Variants in DOCK5 observed in about 807,000 individuals in gnomAD.
The protein encoded by DOCK5 is dedicator of cytokinesis 5, also known as dedicator of cytokinesis protein 5.
A neutral mutation model predicts 251.8 loss-of-function variants in DOCK5; 142 were observed. The observed-to-expected ratio is 0.56, with a 90% CI of 0.49 to 0.65. The LOEUF is 0.65. Ranked by LOEUF, DOCK5 falls within the 30% of genes least tolerant of loss-of-function variation. The pLI, the probability that DOCK5 is intolerant of heterozygous loss-of-function variation, is 0.00. For synonymous variants in DOCK5, 842 were observed against 835.5 expected (o/e 1.01, Z -0.13); for missense variants, 2,111 against 2,312.3 (o/e 0.91, Z 1.79).
intron 10 of DOCK5, among the ~76,000 whole-genome samples, chr8:25,303,096 A>T (rs774912264): frequency 6.6e-6 from 1 of 152,204 alleles, no homozygotes; most frequent in Non-Finnish European, 1.5e-5. Flanking sequence ...CAATTTTGAA[A>T]ATAGAGGAAG....
rs1325046467 is a variant in DOCK5 at position 25,303,745 on chromosome 8, T to A, written c.977-510T>A. 2.0e-5 allele frequency among the ~76,000 whole-genome samples: 3 copies of A among 152,140 alleles called. No homozygotes were observed. The East Asian group carries it at 5.8e-4, about 29-fold the overall frequency. ...GGGAGGCCGAGGCAGGCAGATCATC[T>A]GAGGTCAGGAGTTCAAGACCAGCCT... On this transcript the variant is annotated intron_variant, in intron 10 of 51. Transcript: ENST00000276440.
At chr8:25,351,461 A>G in intron 26 of DOCK5, 1 of 389,402 alleles carries the variant, frequency 2.6e-6, no homozygotes, top group Non-Finnish European at 4.7e-6. Context: ...GTGAGCTCTC[A>G]GTGAACCTGA....
chr8:25,219,755 T>C (rs1563312468), intron 1 of DOCK5, among the ~76,000 whole-genome samples: 1 of 151,804 alleles, frequency 6.6e-6, no homozygotes, highest in Non-Finnish European at 1.5e-5. Context: ...TCTGTCCCCT[T>C]CAACTGTGAC....
At chr8:25,252,616 G>A (rs1803300725) in intron 2 of DOCK5, among the ~76,000 whole-genome samples, 1 of 152,192 alleles carries the variant, frequency 6.6e-6, no homozygotes, top group Admixed American at 6.5e-5. Context: ...TTTACCTTAA[G>A]TACAGCTTGT....
chr8:25,368,829 A>G lies in DOCK5; in HGVS notation c.3438+104A>G, dbSNP rs962651681. 1.5e-4 allele frequency: 180 copies of G among 1,201,942 alleles called. 2 individuals carry two copies. Among genetic ancestry groups the G allele is most frequent in the Non-Finnish European group, 1.8e-4 (164 of 893,466 alleles). 74.5% of individuals were successfully genotyped at this position (1,201,942 alleles called of 1,614,324 possible). The stretch of plus-strand genomic sequence containing the variant: ...GCAGTAACCTTAATAATGCAAGTCC[A>G]TGTTGATCTGAAAGTTCACTTTACA... On this transcript the variant is annotated intron_variant, in intron 33 of 51. Transcript: ENST00000276440.
At chr8:25,299,668 C>T (rs1387982429) in intron 8 of DOCK5, among the ~76,000 whole-genome samples, 2 of 152,080 alleles carry the variant, frequency 1.3e-5, no homozygotes, top group South Asian at 2.1e-4. Flanking sequence ...ATTTTCAGCT[C>T]AACTTTGCTG....
chr8:25,296,760 C>T, intron 7 of DOCK5, 112 bp downstream of exon 7: 1 of 1,385,560 alleles, frequency 7.2e-7, no homozygotes, highest in Non-Finnish European at 9.8e-7. Flanking sequence ...AGTTTTCGTC[C>T]TCATTTTAAA....
chr8:25,356,595 G>A (rs974466464), intron 27 of DOCK5, among the ~76,000 whole-genome samples: 1 of 151,860 alleles, frequency 6.6e-6, no homozygotes, highest in African/African-American at 2.4e-5. Context: ...TGAGCCCCAG[G>A]GAAGTCGAGG....
In DOCK5 at chr8:25,315,609, CTGTTTCCA is replaced by C. The variant is rs1805224618; in HGVS notation, c.1319-1389_1319-1382del. 2.6e-5 allele frequency among the ~76,000 whole-genome samples: 4 copies of C among 152,378 alleles called. No homozygotes were observed. In the South Asian group the frequency reaches 8.3e-4, roughly 32 times the overall value. The stretch of plus-strand genomic sequence containing the variant: ...AATTCCCTGTGCTTGGAAATCGAGA[CTGTTTCCA>C]TGTTTCCACTTTTATAAACACCGCA... On this transcript the variant is annotated intron_variant, in intron 13 of 51. Transcript: ENST00000276440.
chr8:25,201,173 C>T (rs1801871775), intron 1 of DOCK5, among the ~76,000 whole-genome samples: 2 of 152,208 alleles, frequency 1.3e-5, no homozygotes. Context: ...TCCCAAAATG[C>T]TGGGATTACA....
intron 2 of DOCK5, among the ~76,000 whole-genome samples, chr8:25,257,197 T>G (rs1219192511): frequency 6.6e-6 from 1 of 152,198 alleles, no homozygotes; most frequent in Non-Finnish European, 1.5e-5. Flanking sequence ...GCACTGCCGT[T>G]GGTCCCTGAA....
chr8:25,317,345 C>G (rs1440105739), intron 14 of DOCK5: 12 of 485,148 alleles, frequency 2.5e-5, no homozygotes, highest in Non-Finnish European at 2.4e-5. Context: ...TTATATTTCT[C>G]CTGTGCTAAG....
Position 25,233,642 on chromosome 8 carries a change from T to C in DOCK5, c.44-10032T>C, listed in dbSNP as rs535134831. ...TGCCCTAGAGTCCAGGATGGTAGTT[T>C]TTTGGCCACATTATGGAAAATATCT... is the stretch of plus-strand genomic sequence containing the variant. On this transcript the variant is annotated intron_variant, in intron 1 of 51. Coordinates refer to ENST00000276440, the MANE Select transcript of DOCK5 (RefSeq NM_024940.8). 5.0e-4 allele frequency among the ~76,000 whole-genome samples: 76 copies of C among 152,290 alleles called. 1 individual carries two copies. The highest frequency in any genetic ancestry group is 1.7e-3 in the African/African-American group (71 of 41,574).
chr8:25,381,913 G>A (rs916592361), intron 39 of DOCK5, among the ~76,000 whole-genome samples: 21 of 152,114 alleles, frequency 1.4e-4, no homozygotes, highest in African/African-American at 3.1e-4. Flanking sequence ...CTGAAAAACC[G>A]AACATCACCA....
intron 2 of DOCK5, among the ~76,000 whole-genome samples, chr8:25,248,187 G>A (rs777714059): frequency 2.6e-5 from 4 of 152,038 alleles, no homozygotes; most frequent in African/African-American, 7.3e-5. Context: ...TTTTAAAATC[G>A]TGCCTACCTT....
intron 3 of DOCK5, 67 bp from the exon 4 acceptor site, chr8:25,275,319 T>C: frequency 3.0e-6 from 4 of 1,321,994 alleles, no homozygotes; most frequent in African/African-American, 1.5e-5. Context: ...TACTTTGGGC[T>C]GAGGTGTTTT....
At chr8:25,356,105 A>G (rs1385686620) in intron 27 of DOCK5, among the ~76,000 whole-genome samples, 1 of 151,584 alleles carries the variant, frequency 6.6e-6, no homozygotes, top group South Asian at 2.1e-4. Context: ...AGGCTGAGGC[A>G]GGGGGAATCA....
At chr8:25,205,557 A>G (rs1271518060) in intron 1 of DOCK5, among the ~76,000 whole-genome samples, 1 of 152,242 alleles carries the variant, frequency 6.6e-6, no homozygotes, top group African/African-American at 2.4e-5. Context: ...CTGTAGTTTA[A>G]TCCTAGATTT....
chr8:25,266,164 C>G, intron 2 of DOCK5, among the ~76,000 whole-genome samples: 1 of 151,760 alleles, frequency 6.6e-6, no homozygotes. Flanking sequence ...CCACTTCACA[C>G]CACCCACCGA....
Sources: allele counts gnomAD v4.1 joint callset (sites outside exome capture counted in the v4.1 genomes callset), GRCh38; gene constraint gnomAD v4.1.1; transcripts MANE v1.5; gene names NCBI Gene and HGNC (gene_info 2026-07-23, HGNC 2026-07-21).